Variants in PTPRD observed in about 807,000 individuals in gnomAD.
The protein encoded by PTPRD is protein tyrosine phosphatase receptor type D.
A neutral mutation model predicts 214.5 loss-of-function variants in PTPRD; 34 were observed. The observed-to-expected ratio is 0.16, with a 90% CI of 0.12 to 0.21. PTPRD has a LOEUF of 0.21. Among genes scored for constraint, PTPRD ranks in the 10% least tolerant of loss-of-function variants. The pLI is 1.00. For missense variants in PTPRD, 2,545 were observed against 2,398.7 expected (o/e 1.06, Z -1.27); for synonymous variants, 1,128 against 845.7 (o/e 1.33, Z -5.79).
At chr9:8,656,021 C>A (rs906375869) in intron 12 of PTPRD, among the ~76,000 whole-genome samples, 8 of 152,132 alleles carry the variant, frequency 5.3e-5, no homozygotes, top group Non-Finnish European at 1.0e-4. Flanking sequence ...CTAATTTACC[C>A]GAGATAGCAT....
chr9:10,141,380 G>C (rs1365981961), intron 3 of PTPRD, among the ~76,000 whole-genome samples: 2 of 152,052 alleles, frequency 1.3e-5, no homozygotes, highest in Non-Finnish European at 2.9e-5. Flanking sequence ...ATCTCCTTAA[G>C]CTGATAAGCA....
At chr9:8,942,579 G>T (rs1177807113) in intron 11 of PTPRD, among the ~76,000 whole-genome samples, 1 of 152,068 alleles carries the variant, frequency 6.6e-6, no homozygotes, top group Non-Finnish European at 1.5e-5. Flanking sequence ...CTGGAGGAAG[G>T]CAAGGTAAGA....
intron 2 of PTPRD, among the ~76,000 whole-genome samples, chr9:10,379,992 C>T (rs1400975636): frequency 3.3e-5 from 5 of 151,922 alleles, no homozygotes; most frequent in African/African-American, 1.2e-4. Flanking sequence ...TACTCTGTTG[C>T]CCAGGCTAGC....
At chr9:8,651,855 A>G (rs1405283098) in intron 12 of PTPRD, among the ~76,000 whole-genome samples, 1 of 152,214 alleles carries the variant, frequency 6.6e-6, no homozygotes, top group East Asian at 1.9e-4. Context: ...AACACTTGGC[A>G]CTATAGACAC....
chr9:10,601,795 T>G (rs1287181630), intron 2 of PTPRD, among the ~76,000 whole-genome samples: 1 of 151,800 alleles, frequency 6.6e-6, no homozygotes, highest in Non-Finnish European at 1.5e-5. Flanking sequence ...AGCAGTTCCA[T>G]GAAGGTCTCC....
intron 5 of PTPRD, among the ~76,000 whole-genome samples, chr9:9,919,067 C>T (rs761905064): frequency 2.0e-5 from 3 of 152,134 alleles, no homozygotes; most frequent in Admixed American, 2.0e-4. Context: ...TAATGTTAAA[C>T]AACTAAAAAT....
At chr9:8,439,736 T>C (rs1204226390) in intron 34 of PTPRD, among the ~76,000 whole-genome samples, 2 of 151,740 alleles carry the variant, frequency 1.3e-5, no homozygotes, top group Admixed American at 1.3e-4. Context: ...CGCTGCCCAA[T>C]ATTGAAAAAA....
chr9:9,209,546 G>C (rs563798666), intron 9 of PTPRD, among the ~76,000 whole-genome samples: 6 of 152,136 alleles, frequency 3.9e-5, no homozygotes, highest in Non-Finnish European at 8.8e-5. Context: ...TTAAATCTTA[G>C]AGATATCTAC....
intron 9 of PTPRD, among the ~76,000 whole-genome samples, chr9:9,246,363 G>A (rs1165459808): frequency 6.6e-6 from 1 of 151,964 alleles, no homozygotes; most frequent in Non-Finnish European, 1.5e-5. Context: ...CACTTGATAT[G>A]GACTTCAGAA....
At chr9:9,907,886 A>G (rs2078054794) in intron 5 of PTPRD, among the ~76,000 whole-genome samples, 1 of 152,068 alleles carries the variant, frequency 6.6e-6, no homozygotes, top group African/African-American at 2.4e-5. Context: ...TTATAGAATT[A>G]TAAATTACTA....
At chr9:9,467,680 T>A (rs13286239) in intron 8 of PTPRD, among the ~76,000 whole-genome samples, 1 of 151,360 alleles carries the variant, frequency 6.6e-6, no homozygotes, top group Non-Finnish European at 1.5e-5. Context: ...CAGTAGATAT[T>A]CTTGTGTTAA....
chr9:8,869,506 G>A (rs553910864), intron 11 of PTPRD, among the ~76,000 whole-genome samples: 1 of 152,228 alleles, frequency 6.6e-6, no homozygotes, highest in South Asian at 2.1e-4. Context: ...CTCATTGATT[G>A]ATCCAGACCC....
At chr9:9,396,756 A>C (rs1490241411) in intron 9 of PTPRD, among the ~76,000 whole-genome samples, 1 of 152,014 alleles carries the variant, frequency 6.6e-6, no homozygotes, top group Non-Finnish European at 1.5e-5. Context: ...TCTGCTCTAA[A>C]CTGGTAAACT....
At chr9:10,552,489 C>T (rs1566896220) in intron 2 of PTPRD, among the ~76,000 whole-genome samples, 1 of 152,030 alleles carries the variant, frequency 6.6e-6, no homozygotes, top group Non-Finnish European at 1.5e-5. Context: ...TCTACATGAT[C>T]ATGTGTAACA....
chr9:10,055,007 A>C (rs1023240475), intron 3 of PTPRD, among the ~76,000 whole-genome samples: 10 of 151,754 alleles, frequency 6.6e-5, no homozygotes, highest in African/African-American at 2.4e-4. Flanking sequence ...AGAAAGAAAG[A>C]TCAGTGTTTT....
chr9:9,650,117 G>T (rs951419560), intron 7 of PTPRD, among the ~76,000 whole-genome samples: 1 of 152,086 alleles, frequency 6.6e-6, no homozygotes, highest in Admixed American at 6.6e-5. Context: ...CCCCCATGCT[G>T]TTCTCACAAC....
At chr9:8,911,588 A>G (rs1176727045) in intron 11 of PTPRD, among the ~76,000 whole-genome samples, 5 of 152,172 alleles carry the variant, frequency 3.3e-5, no homozygotes, top group African/African-American at 1.2e-4. Context: ...ACAAGAGAAA[A>G]TGTTTGTGAT....
intron 6 of PTPRD, among the ~76,000 whole-genome samples, chr9:9,761,481 G>C (rs958337137): frequency 3.9e-5 from 6 of 152,032 alleles, no homozygotes; most frequent in African/African-American, 1.2e-4. Context: ...CTTGACTGTG[G>C]GGTAGGATAC....
chr9:10,304,518 G>A (rs538543022), intron 3 of PTPRD, among the ~76,000 whole-genome samples: 7 of 152,206 alleles, frequency 4.6e-5, no homozygotes, highest in African/African-American at 1.2e-4. Context: ...AAACCCCATC[G>A]TCTCAGCCCT....
Sources: gnomAD v4.1 joint callset for allele counts (sites outside exome capture counted in the v4.1 genomes callset) on GRCh38, gnomAD v4.1.1 for gene constraint, MANE v1.5 for transcripts, NCBI Gene and HGNC (gene_info 2026-07-23, HGNC 2026-07-21) for gene names.